Variants in IL1RAPL2 observed in about 807,000 individuals in gnomAD.
The protein encoded by IL1RAPL2 is X-linked interleukin-1 receptor accessory protein-like 2.
Under a neutral mutation model 44.1 loss-of-function variants are expected in IL1RAPL2, and 3 were observed. The ratio of observed to expected loss-of-function variants is 0.07; its 90% CI spans 0.03 to 0.18. The LOEUF (loss-of-function observed/expected upper bound fraction) is 0.18. Ranked by LOEUF, IL1RAPL2 falls within the 10% of genes least tolerant of loss-of-function variation. The probability of loss-of-function intolerance (pLI) is 1.00; values close to 1 mark genes in which losing one functional copy is unlikely to be tolerated. For missense variants in IL1RAPL2, 391 were observed against 496.4 expected (o/e 0.79, Z 2.02); for synonymous variants, 181 against 178.8 (o/e 1.01, Z -0.10).
intron 2 of IL1RAPL2, among the ~76,000 whole-genome samples, chrX:104,926,403 C>T (rs1028164965): frequency 9.0e-6 from 1 of 111,505 alleles, no homozygotes; most frequent in Non-Finnish European, 1.9e-5. Context: ...TTCATGATTT[C>T]CTAGACAAAA....
intron 1 of IL1RAPL2, among the ~76,000 whole-genome samples, chrX:104,573,648 G>A (rs1191805944): frequency 1.8e-5 from 2 of 111,722 alleles, no homozygotes; most frequent in African/African-American, 3.3e-5. Context: ...TCAAACACCA[G>A]AATAAATTCC....
intron 2 of IL1RAPL2, among the ~76,000 whole-genome samples, chrX:104,797,709 A>G (rs1362377587): frequency 8.9e-6 from 1 of 112,242 alleles, no homozygotes. Context: ...ATGCCAGACA[A>G]CAAAGCCTCA....
At chrX:105,226,311 A>G (rs1556188750) in intron 3 of IL1RAPL2, among the ~76,000 whole-genome samples, 1 of 108,194 alleles carries the variant, frequency 9.2e-6, no homozygotes, top group African/African-American at 3.4e-5. Flanking sequence ...ACCAGCTTCC[A>G]TGAAACTGGC....
At chrX:104,942,450 C>A (rs1430331804) in intron 2 of IL1RAPL2, among the ~76,000 whole-genome samples, 13 of 110,684 alleles carry the variant, frequency 1.2e-4, no homozygotes, top group African/African-American at 3.9e-4. Flanking sequence ...GTATTTTATT[C>A]TCTTTGAAGC....
intron 2 of IL1RAPL2, among the ~76,000 whole-genome samples, chrX:105,032,570 A>T (rs1178643073): frequency 9.0e-6 from 1 of 111,478 alleles, no homozygotes; most frequent in African/African-American, 3.3e-5. Context: ...TTCTAGTTTA[A>T]TTGCACTGTG....
intron 2 of IL1RAPL2, among the ~76,000 whole-genome samples, chrX:105,153,126 A>G (rs1569393941): frequency 1.8e-5 from 2 of 111,880 alleles, no homozygotes; most frequent in Non-Finnish European, 3.8e-5. Context: ...CTCTTTCAAC[A>G]TATATTAATA....
intron 4 of IL1RAPL2, among the ~76,000 whole-genome samples, chrX:105,244,635 G>C (rs2034204141): frequency 8.9e-6 from 1 of 112,043 alleles, no homozygotes; most frequent in South Asian, 3.7e-4. Flanking sequence ...AATGGACACA[G>C]TGGGTCTGGT....
intron 2 of IL1RAPL2, among the ~76,000 whole-genome samples, chrX:104,701,579 A>G (rs1441589722): frequency 8.9e-6 from 1 of 112,254 alleles, no homozygotes; most frequent in Non-Finnish European, 1.9e-5. Context: ...ATCAGAGTCC[A>G]TCAAGTAAAC....
intron 1 of IL1RAPL2, among the ~76,000 whole-genome samples, chrX:104,600,671 C>T (rs1356065370): frequency 1.8e-5 from 2 of 110,369 alleles, no homozygotes; most frequent in Admixed American, 9.7e-5. Flanking sequence ...TGCCCCATTC[C>T]CTCTGCCTTC....
chrX:105,135,409 G>A (rs973481548), intron 2 of IL1RAPL2, among the ~76,000 whole-genome samples: 4 of 111,826 alleles, frequency 3.6e-5, no homozygotes, highest in Non-Finnish European at 7.5e-5. Context: ...AAAATAAAAG[G>A]AGAATGTCAA....
chrX:105,763,743 CA>C (rs984331527), intron 10 of IL1RAPL2, among the ~76,000 whole-genome samples: 6 of 110,979 alleles, frequency 5.4e-5, no homozygotes, highest in Middle Eastern at 4.7e-3. Flanking sequence ...AAGAGCCAGT[CA>C]GCTCTTAGAG....
chrX:105,690,816 C>T (rs73531005), intron 6 of IL1RAPL2, among the ~76,000 whole-genome samples: 1 of 110,804 alleles, frequency 9.0e-6, no homozygotes, highest in Non-Finnish European at 1.9e-5. Context: ...AATATTATAC[C>T]CTGTCTTAGT....
At chrX:104,778,614 A>G (rs1033605843) in intron 2 of IL1RAPL2, among the ~76,000 whole-genome samples, 1 of 106,375 alleles carries the variant, frequency 9.4e-6, no homozygotes, top group African/African-American at 3.4e-5. Flanking sequence ...CAGTAGTGCT[A>G]TGAATATGGG....
intron 5 of IL1RAPL2, among the ~76,000 whole-genome samples, chrX:105,298,895 T>C (rs1350145373): frequency 1.8e-5 from 2 of 111,482 alleles, no homozygotes; most frequent in African/African-American, 3.3e-5. Flanking sequence ...AGACTAGGAA[T>C]AGATCATTGC....
intron 3 of IL1RAPL2, among the ~76,000 whole-genome samples, chrX:105,227,268 C>T (rs2034026076): frequency 9.0e-6 from 1 of 111,406 alleles, no homozygotes; most frequent in Non-Finnish European, 1.9e-5. Flanking sequence ...CCCACAAATC[C>T]TTGTTTGTTT....
intron 1 of IL1RAPL2, among the ~76,000 whole-genome samples, chrX:104,636,459 G>A: frequency 8.9e-6 from 1 of 112,371 alleles, no homozygotes; most frequent in Non-Finnish European, 1.9e-5. Context: ...TACAGATGCA[G>A]GCAGGTCTCC....
intron 2 of IL1RAPL2, among the ~76,000 whole-genome samples, chrX:105,092,176 G>A (rs950859046): frequency 6.3e-5 from 7 of 110,377 alleles, no homozygotes; most frequent in South Asian, 3.9e-4. Context: ...AAAGAATTAC[G>A]GCCAACTACA....
chrX:105,480,671 G>A (rs2036227961), intron 5 of IL1RAPL2, among the ~76,000 whole-genome samples: 1 of 111,869 alleles, frequency 8.9e-6, no homozygotes, highest in East Asian at 2.8e-4. Flanking sequence ...TGTTGTTTAG[G>A]GGACTTGGTA....
rs770191302 is a variant in IL1RAPL2 at position 104,970,013 on chromosome X, A to G, written c.83-225462A>G. ...ATTTACTGTTGAAGGCAATTTGTCA[A>G]TATCTAGTAAAATTGAAGATGGAAA... On this transcript the variant is annotated intron_variant, in intron 2 of 10. Coordinates refer to ENST00000372582, the MANE Select transcript of IL1RAPL2 (RefSeq NM_017416.2). 7.2e-5 allele frequency among the ~76,000 whole-genome samples: 8 copies of G among 111,050 alleles called. No individual in the cohort carries two copies. The Admixed American group carries it at 7.7e-4, about 11-fold the overall frequency.
Sources: gnomAD v4.1 joint callset for allele counts (sites outside exome capture counted in the v4.1 genomes callset) on GRCh38, gnomAD v4.1.1 for gene constraint, MANE v1.5 for transcripts, NCBI Gene and HGNC (gene_info 2026-07-23, HGNC 2026-07-21) for gene names.